Variants in TYW1 observed in about 807,000 individuals in gnomAD.
TYW1 encodes the protein S-adenosyl-L-methionine-dependent tRNA 4-demethylwyosine synthase TYW1.
TYW1 carries 46 observed loss-of-function variants against 96.2 expected under a neutral mutation model. The ratio of observed to expected loss-of-function variants is 0.48; its 90% confidence interval spans 0.38 to 0.61. The LOEUF is 0.61. Among genes scored for constraint, TYW1 ranks in the 20% least tolerant of loss-of-function variants. TYW1 has a pLI of 0.00. For synonymous variants in TYW1, 274 were observed against 323.0 expected, an observed-to-expected ratio of 0.85 and a Z score of 1.63; for missense variants, 684 against 909.6, an observed-to-expected ratio of 0.75 and a Z score of 3.19.
chr7:67,136,275 T>C (rs6460327), intron 13 of TYW1, among the ~76,000 whole-genome samples: 42,081 of 152,028 alleles, frequency 0.28, 6,673 homozygotes, highest in African/African-American at 0.44. Flanking sequence ...TACCTAAAGT[T>C]ATCATTTTTC....
intron 11 of TYW1, among the ~76,000 whole-genome samples, chr7:67,090,741 C>G (rs948351683): frequency 2.6e-5 from 4 of 152,140 alleles, no homozygotes; most frequent in Non-Finnish European, 4.4e-5. Context: ...GGAAACAGCA[C>G]TATCGATTTG....
chr7:67,197,665 G>T (rs1032203763), intron 15 of TYW1, among the ~76,000 whole-genome samples: 2 of 152,158 alleles, frequency 1.3e-5, no homozygotes, highest in African/African-American at 2.4e-5. Context: ...CACATCAAGG[G>T]GTTCAGTAAC....
intron 7 of TYW1, among the ~76,000 whole-genome samples, chr7:67,046,616 G>A (rs1213366616): frequency 6.6e-6 from 1 of 152,050 alleles, no homozygotes; most frequent in African/African-American, 2.4e-5. Flanking sequence ...TTACATTCTG[G>A]GCAGAGAGTA....
At chr7:67,153,378 C>G (rs577555755) in intron 13 of TYW1, among the ~76,000 whole-genome samples, 1 of 152,276 alleles carries the variant, frequency 6.6e-6, no homozygotes, top group South Asian at 2.1e-4. Flanking sequence ...ATCGCTTGAA[C>G]ATGGGAGGTG....
chr7:67,229,656 A>AAC (rs761428739), intron 15 of TYW1, among the ~76,000 whole-genome samples: 203 of 152,120 alleles, frequency 1.3e-3, no homozygotes, highest in Non-Finnish European at 2.5e-3. Context: ...CAAACAAACA[A>AAC]AAAAAACAAT....
intron 7 of TYW1, among the ~76,000 whole-genome samples, chr7:67,038,328 G>A (rs546667602): frequency 2.3e-4 from 35 of 151,384 alleles, no homozygotes; most frequent in African/African-American, 7.8e-4. Context: ...ACACCAGGCC[G>A]GGCTTGGTGG....
At chr7:67,184,465 C>T (rs1799937296) in intron 14 of TYW1, among the ~76,000 whole-genome samples, 1 of 151,954 alleles carries the variant, frequency 6.6e-6, no homozygotes, top group South Asian at 2.1e-4. Context: ...GCTTGCCTCT[C>T]ATATTTTTGC....
intron 15 of TYW1, among the ~76,000 whole-genome samples, chr7:67,196,491 G>T (rs1209561784): frequency 6.6e-6 from 1 of 152,150 alleles, no homozygotes; most frequent in Non-Finnish European, 1.5e-5. Context: ...GCATTTAGAA[G>T]ATTATTTCTA....
intron 15 of TYW1, among the ~76,000 whole-genome samples, chr7:67,198,557 A>C (rs1305973982): frequency 6.6e-6 from 1 of 152,014 alleles, no homozygotes; most frequent in African/African-American, 2.4e-5. Context: ...TCTCAAAAAA[A>C]AAAAAAGAAG....
chr7:67,227,705 A>G (rs934017051), intron 15 of TYW1, among the ~76,000 whole-genome samples: 1 of 151,924 alleles, frequency 6.6e-6, no homozygotes, highest in Non-Finnish European at 1.5e-5. Flanking sequence ...CTGCAGTAAA[A>G]TCTTTGGACA....
At position 67,098,675 on chromosome 7, in the gene TYW1, T is replaced by G; in HGVS notation, c.1519T>G (p.Ser507Ala). The change falls in exon 12 of 16, where the codon TCC becomes GCC. Residue 507 changes from serine (S) to alanine (A), a missense_variant. Ser to Ala is a moderately conservative substitution (Grantham distance 99). Coordinates refer to ENST00000359626, the MANE Select transcript of TYW1 (RefSeq NM_018264.4). ...FLKLLHQCKI[S>A]SFLVTNAQFP... ...GAAGCTACTCCACCAGTGTAAAATT[T>G]CCAGCTTCCTGGTCACAAACGCACA... 1.2e-6 allele frequency: 2 copies of G among 1,614,182 alleles called. No homozygotes were observed. The highest frequency in any genetic ancestry group is 1.7e-6 in the Non-Finnish European group (2 of 1,180,010).
intron 3 of TYW1, among the ~76,000 whole-genome samples, chr7:67,005,051 C>T (rs1167357248): frequency 6.6e-6 from 1 of 152,024 alleles, no homozygotes; most frequent in African/African-American, 2.4e-5. Context: ...CCACCATGCC[C>T]TGCTTGAAAT....
At chr7:66,999,199 G>A (rs551386026) in intron 3 of TYW1, among the ~76,000 whole-genome samples, 30 of 152,264 alleles carry the variant, frequency 2.0e-4, no homozygotes, top group African/African-American at 7.2e-4. Context: ...TCTTGAGGGG[G>A]CCTTTGTTCT....
chr7:67,084,700 A>C (rs1290111185), intron 11 of TYW1, among the ~76,000 whole-genome samples: 1 of 151,944 alleles, frequency 6.6e-6, no homozygotes, highest in Admixed American at 6.6e-5. Flanking sequence ...TTTTTTGTGA[A>C]GATGGGGTCT....
chr7:67,112,065 C>T (rs1210717576), intron 12 of TYW1, among the ~76,000 whole-genome samples: 1 of 141,040 alleles, frequency 7.1e-6, no homozygotes, highest in Non-Finnish European at 1.5e-5. Context: ...TGCCATTGCA[C>T]TCCAGCCTGG....
intron 14 of TYW1, among the ~76,000 whole-genome samples, chr7:67,194,864 A>C (rs1270719240): frequency 7.0e-6 from 1 of 143,290 alleles, no homozygotes; most frequent in Non-Finnish European, 1.5e-5. Flanking sequence ...ATCAAAAGAC[A>C]TGCTGTTGAT....
chr7:67,183,852 A>G (rs938553122), intron 14 of TYW1, among the ~76,000 whole-genome samples: 2 of 151,918 alleles, frequency 1.3e-5, no homozygotes, highest in Non-Finnish European at 1.5e-5. Context: ...TTTTGAGACA[A>G]GGACTTGCTC....
chr7:67,082,522 G>A (rs1452651510), intron 10 of TYW1, among the ~76,000 whole-genome samples: 1 of 152,282 alleles, frequency 6.6e-6, no homozygotes, highest in South Asian at 2.1e-4. Context: ...AGGGGAGCTT[G>A]TGCTATTTCT....
At chr7:67,092,663 C>G (rs1189760486) in intron 11 of TYW1, among the ~76,000 whole-genome samples, 2 of 149,028 alleles carry the variant, frequency 1.3e-5, no homozygotes, top group East Asian at 3.9e-4. Flanking sequence ...TTTCCACGTG[C>G]CTATCACCTT....
Sources: gnomAD v4.1 joint callset for allele counts (sites outside exome capture counted in the v4.1 genomes callset) on GRCh38, gnomAD v4.1.1 for gene constraint, MANE v1.5 for transcripts, NCBI Gene and HGNC (gene_info 2026-07-23, HGNC 2026-07-21) for gene names.